KCNJ5: variants seen among roughly 807,000 people sequenced by gnomAD.
The protein encoded by KCNJ5 is potassium inwardly rectifying channel subfamily J member 5.
Under a neutral mutation model 20.2 loss-of-function variants are expected in KCNJ5, and 12 were observed. The ratio of observed to expected loss-of-function variants is 0.59; its 90% CI spans 0.38 to 0.96. KCNJ5 has a LOEUF of 0.96. Among genes scored for constraint, KCNJ5 ranks in the 40% least tolerant of loss-of-function variants. KCNJ5 has a pLI of 0.00. For missense variants in KCNJ5, 449 were observed against 557.6 expected (o/e 0.81, Z 1.96); for synonymous variants, 210 against 213.9 (o/e 0.98, Z 0.16).
rs867386340 is a variant in KCNJ5, at chr11:128,916,014, T to C, written c.938-395T>C. Among the ~76,000 whole-genome samples the C allele has an allele frequency of 4.9e-3, 385 of 78,354 alleles. 7 individuals are homozygous for C. Among genetic ancestry groups the C allele is most frequent in the African/African-American group, 0.018 (358 of 20,420 alleles). The allele number at this position is 78,354 out of a possible 152,430, so 51.4% of individuals were successfully genotyped here. On this transcript the variant is annotated intron_variant, in intron 2 of 2. Coordinates refer to ENST00000529694, the MANE Select transcript of KCNJ5 (RefSeq NM_000890.5). ...GATGGATGGATGGATGGATGGATGA[T>C]TGGATGGATGGATGAATGGATGGAT...
At chr11:128,902,951 GA>G (rs954917198) in intron 1 of KCNJ5, among the ~76,000 whole-genome samples, 11 of 151,884 alleles carry the variant, frequency 7.2e-5, no homozygotes, top group African/African-American at 2.4e-4. Context: ...GGTCAACATG[GA>G]AAAAAAATTT....
At chr11:128,893,959 C>T (rs1009802371) in intron 1 of KCNJ5, among the ~76,000 whole-genome samples, 6 of 152,238 alleles carry the variant, frequency 3.9e-5, no homozygotes, top group African/African-American at 1.4e-4. Flanking sequence ...TTTCTGCAAG[C>T]ACCTGACTGG....
intron 1 of KCNJ5, chr11:128,902,713 C>T (rs766814359): frequency 6.2e-7 from 1 of 1,601,458 alleles, no homozygotes; most frequent in South Asian, 1.1e-5. Context: ...TTGTGGCAGA[C>T]CTGTTGGTGC....
At chr11:128,896,560 A>G (rs571679862) in intron 1 of KCNJ5, among the ~76,000 whole-genome samples, 2 of 152,014 alleles carry the variant, frequency 1.3e-5, no homozygotes, top group South Asian at 4.2e-4. Context: ...TCACTCAACA[A>G]AATTCTCTGG....
intron 1 of KCNJ5, chr11:128,902,596 G>C (rs1187619087): frequency 2.5e-6 from 4 of 1,613,044 alleles, no homozygotes; most frequent in Non-Finnish European, 3.4e-6. Flanking sequence ...GGGCACTGAG[G>C]GGGTAGCCCA....
intron 1 of KCNJ5, among the ~76,000 whole-genome samples, chr11:128,907,458 G>A (rs775968383): frequency 1.3e-5 from 2 of 152,182 alleles, no homozygotes; most frequent in African/African-American, 4.8e-5. Context: ...ATTCACTAAC[G>A]CATCATCTGA....
At chr11:128,903,245 A>C in intron 1 of KCNJ5, 1 of 1,173,024 alleles carries the variant, frequency 8.5e-7, no homozygotes, top group Non-Finnish European at 1.2e-6. Flanking sequence ...CAAAATATGA[A>C]AATGAAGCTC....
At chr11:128,905,017 A>G (rs1194568211) in intron 1 of KCNJ5, among the ~76,000 whole-genome samples, 1 of 152,190 alleles carries the variant, frequency 6.6e-6, no homozygotes, top group East Asian at 1.9e-4. Context: ...ACTAGAGGAT[A>G]ATTTTGTTTT....
chr11:128,914,906 G>A (rs1944554684), intron 2 of KCNJ5, among the ~76,000 whole-genome samples: 1 of 152,216 alleles, frequency 6.6e-6, no homozygotes, highest in Non-Finnish European at 1.5e-5. Context: ...GGCTGCTCAG[G>A]GCCCGGTTTG....
At chr11:128,899,338 A>C (rs1470617399) in intron 1 of KCNJ5, among the ~76,000 whole-genome samples, 1 of 152,228 alleles carries the variant, frequency 6.6e-6, no homozygotes. Context: ...AGGTGACGAT[A>C]ATTACTGGGA....
rs1412328869 is a variant in KCNJ5, at chr11:128,903,570, T to C, written c.-10-7694T>C. 12 of 1,588,548 alleles carry C rather than the reference T, an allele frequency of 7.6e-6. No individual in the cohort carries two copies. The East Asian group carries it at 2.5e-4, about 33-fold the overall frequency. Reference sequence around the variant, plus strand: ...AAGAATGAAATCAGTGGCTGCTAGTTAGTGGTCTTGTTTCTACTGCGGGGG... The same window carrying C: ...AAGAATGAAATCAGTGGCTGCTAGTCAGTGGTCTTGTTTCTACTGCGGGGG... On this transcript the variant is annotated intron_variant, in intron 1 of 2. Coordinates refer to ENST00000529694, the MANE Select transcript of KCNJ5 (RefSeq NM_000890.5).
rs1944647161 is a variant in KCNJ5, at chr11:128,920,253, A to C, written c.*3522A>C. The C allele has an allele frequency of 6.6e-6, 1 of 152,052 alleles. No individual in the cohort carries two copies. Among genetic ancestry groups the C allele is most frequent in the African/African-American group, 2.4e-5 (1 of 41,284 alleles). 9.4% of individuals were successfully genotyped at this position (152,052 alleles called of 1,614,324 possible). A position where few individuals can be genotyped will look rare whatever the true frequency, so the allele number is the denominator to read the frequency against. Reference sequence around the variant, plus strand: ...ACTCTCCCCTTCAGACTCCCCTCCCACCGGCCTCCTGTGTAGTCAGAGAAC... The same window carrying C: ...ACTCTCCCCTTCAGACTCCCCTCCCCCCGGCCTCCTGTGTAGTCAGAGAAC... On this transcript the variant is annotated 3_prime_UTR_variant, in exon 3 of 3. Transcript: ENST00000529694.
intron 1 of KCNJ5, among the ~76,000 whole-genome samples, chr11:128,907,432 T>C (rs1944436956): frequency 6.6e-6 from 1 of 152,226 alleles, no homozygotes; most frequent in Admixed American, 6.5e-5. Flanking sequence ...CAGAGGTCCA[T>C]CTAAATGGAT....
At chr11:128,897,789 T>G (rs889455484) in intron 1 of KCNJ5, among the ~76,000 whole-genome samples, 3 of 152,260 alleles carry the variant, frequency 2.0e-5, no homozygotes, top group Non-Finnish European at 2.9e-5. Flanking sequence ...TGTTTTATAT[T>G]TAAGTTCATG....
At chr11:128,896,688 G>A (rs778965524) in intron 1 of KCNJ5, among the ~76,000 whole-genome samples, 83 of 152,146 alleles carry the variant, frequency 5.5e-4, no homozygotes, top group Non-Finnish European at 9.7e-4. Context: ...TCCATAGTGG[G>A]AAGGTACCAT....
At chr11:128,914,274 C>A (rs1176785776) in intron 2 of KCNJ5, among the ~76,000 whole-genome samples, 1 of 152,248 alleles carries the variant, frequency 6.6e-6, no homozygotes, top group East Asian at 1.9e-4. Flanking sequence ...TCCTCACTCC[C>A]CAGCCATGCA....
chr11:128,896,021 ACTC>A (rs1944171613), intron 1 of KCNJ5, among the ~76,000 whole-genome samples: 1 of 149,040 alleles, frequency 6.7e-6, no homozygotes, highest in Non-Finnish European at 1.5e-5. Flanking sequence ...ATCTCCCCTG[ACTC>A]CTCCTAGACA....
chr11:128,895,957 G>T (rs1344663078), intron 1 of KCNJ5, among the ~76,000 whole-genome samples: 4 of 152,176 alleles, frequency 2.6e-5, no homozygotes, highest in African/African-American at 9.7e-5. Flanking sequence ...TGGGCCTGCG[G>T]CTGTCCCAGG....
chr11:128,891,999 C>T (rs1488277527), intron 1 of KCNJ5, among the ~76,000 whole-genome samples: 2 of 152,244 alleles, frequency 1.3e-5, no homozygotes, highest in Non-Finnish European at 2.9e-5. Flanking sequence ...CCCAGATCTC[C>T]CAGCAGTGGT....
Sources: allele counts gnomAD v4.1 joint callset (sites outside exome capture counted in the v4.1 genomes callset), GRCh38; gene constraint gnomAD v4.1.1; transcripts MANE v1.5; gene names NCBI Gene and HGNC (gene_info 2026-07-23, HGNC 2026-07-21).